The following DIDO1 variants were observed in gnomAD, a reference collection of about 807,000 sequenced individuals.
DIDO1 encodes the protein death inducer-obliterator 1.
In DIDO1, 16 loss-of-function variants were observed where a neutral mutation model predicts 99.4. The ratio of observed to expected loss-of-function variants is 0.16; its 90% CI spans 0.11 to 0.24. DIDO1 has a LOEUF of 0.24. DIDO1 is among the 10% of genes least tolerant of loss of function. The probability of loss-of-function intolerance (pLI) is 1.00; values close to 1 mark genes in which losing one functional copy is unlikely to be tolerated. For synonymous variants in DIDO1, 1,366 were observed against 1,239.1 expected (o/e 1.10, Z -2.15); for missense variants, 2,996 against 3,014.0 (o/e 0.99, Z 0.14).
intron 6 of DIDO1, 139 bp from the exon 7 acceptor site, chr20:62,897,135 T>G: frequency 1.3e-6 from 1 of 782,172 alleles, no homozygotes; most frequent in Non-Finnish European, 2.0e-6. Context: ...AGAAAAGGAT[T>G]TGTAAAATGT....
rs531192679 is a variant in DIDO1 at position 62,880,796 on chromosome 20, C to G, written c.5160G>C (p.Glu1720Asp). Reference protein sequence around the residue: ...GRSSSPAGETEGDREPQARPG... With the variant: ...GRSSSPAGETDGDREPQARPG... ...GTCTGGCCTGTGGCTCTCTGTCCCC[C>G]TCTGTTTCACCTGCAGGGCTGCTGC... Residue 1720 changes from glutamate to aspartate, a missense_variant, in exon 16 of 16, where the codon GAG becomes GAC. Transcript: ENST00000395343. 6.2e-7 allele frequency: 1 copy of G among 1,612,758 alleles called. No individual in the cohort carries two copies. The highest frequency in any genetic ancestry group is 1.1e-5 in the South Asian group (1 of 91,080).
At chr20:62,916,176 G>T (rs1364419889) in intron 1 of DIDO1, among the ~76,000 whole-genome samples, 1 of 152,184 alleles carries the variant, frequency 6.6e-6, no homozygotes, top group Non-Finnish European at 1.5e-5. Flanking sequence ...GGGGGAATGT[G>T]TTCATAAAAC....
chr20:62,900,952 T>C (rs1471577600), intron 6 of DIDO1, among the ~76,000 whole-genome samples: 1 of 152,226 alleles, frequency 6.6e-6, no homozygotes, highest in Non-Finnish European at 1.5e-5. Context: ...GAGGCGTGTG[T>C]ACAACAATGC....
At chr20:62,885,999 C>G (rs928461413) in intron 15 of DIDO1, among the ~76,000 whole-genome samples, 5 of 152,228 alleles carry the variant, frequency 3.3e-5, no homozygotes, top group Non-Finnish European at 7.3e-5. Context: ...TCGGCAGCTG[C>G]CCCGTGGTGT....
Position 62,907,256 on chromosome 20 carries a change from G to A in DIDO1, c.1265C>T (p.Ala422Val). ...GCTTAGAAACTTCATTGTCGCTGCG[G>A]CGTGTTTGAGGATACAGTCATTACT... ...YCSNDCILKHAAATMKFLSSG... is the reference protein window; with the variant it reads ...YCSNDCILKHVAATMKFLSSG... The change falls in exon 5 of 16, where the codon GCC becomes GTC. Residue 422 changes from alanine to valine, a missense_variant. Physicochemically the swap from Ala to Val is moderately conservative, Grantham distance 64. This residue lies in a region of DIDO1 where 898 missense variants were observed against 972.7 expected (regional missense o/e 0.92). Coordinates refer to ENST00000395343, the MANE Select transcript of DIDO1 (RefSeq NM_001193369.2). 3 of 1,614,238 alleles carry A rather than the reference G, an allele frequency of 1.9e-6. No homozygotes were observed. Among genetic ancestry groups the A allele is most frequent in the Non-Finnish European group, 2.5e-6 (3 of 1,180,046 alleles).
intron 1 of DIDO1, among the ~76,000 whole-genome samples, chr20:62,919,909 T>C (rs984496255): frequency 1.3e-5 from 2 of 152,224 alleles, no homozygotes; most frequent in African/African-American, 2.4e-5. Context: ...CATAAAATCA[T>C]TTATCGAGGT....
chr20:62,907,365 G>A lies in DIDO1; in HGVS notation c.1162-6C>T. 1 of 1,612,738 alleles carries A rather than the reference G, an allele frequency of 6.2e-7. No homozygotes were observed. Among genetic ancestry groups the A allele is most frequent in the Non-Finnish European group, 8.5e-7 (1 of 1,179,680 alleles). On this transcript the variant is annotated splice_region_variant and splice_polypyrimidine_tract_variant and intron_variant, in intron 4 of 15. Transcript: ENST00000395343. Reference sequence around the variant, plus strand: ...GCACCAGGCGCCTCTATCACCTGCAGAACAAAACAGATGACTTCAAACAAT... The same window carrying A: ...GCACCAGGCGCCTCTATCACCTGCAAAACAAAACAGATGACTTCAAACAAT...
chr20:62,897,040 G>A (rs761076425), intron 6 of DIDO1, 44 bp from the exon 7 acceptor site: 1 of 1,541,898 alleles, frequency 6.5e-7, no homozygotes, highest in East Asian at 2.3e-5. Flanking sequence ...GGACACCACA[G>A]GGTGCTGTCA....
intron 6 of DIDO1, 180 bp downstream of exon 6, chr20:62,905,707 A>G: frequency 1.2e-6 from 2 of 1,609,988 alleles, no homozygotes; most frequent in Non-Finnish European, 1.7e-6. Flanking sequence ...CAGACTAGGG[A>G]TGGACACAGG....
At position 62,894,634 on chromosome 20, in the gene DIDO1, T is replaced by A; in HGVS notation, c.2437-86A>T. 6.5e-7 allele frequency: 1 copy of A among 1,538,288 alleles called. No homozygotes were observed. Among genetic ancestry groups the A allele is most frequent in the Non-Finnish European group, 8.7e-7 (1 of 1,143,212 alleles). ...ACCACACACAAGAAAAGCAGTCTCA[T>A]GGGATTGAGACCCACGGGGGAGAAA... On this transcript the variant is annotated intron_variant, in intron 10 of 15. Transcript: ENST00000395343. This position sits in a 1 kb window ranked among gnomAD's most constrained non-coding sequence, Gnocchi z 4.4.
At chr20:62,929,702 T>A (rs1198285625), upstream of DIDO1, among the ~76,000 whole-genome samples, 17 of 129,390 alleles carry the variant, frequency 1.3e-4, no homozygotes, top group African/African-American at 5.5e-4. Context: ...AGTGTATATA[T>A]ATATATATAT....
At chr20:62,925,000 T>A (rs551878831) in intron 1 of DIDO1, among the ~76,000 whole-genome samples, 100 of 152,154 alleles carry the variant, frequency 6.6e-4, no homozygotes, top group Non-Finnish European at 1.2e-3. Context: ...GGAAAACAAG[T>A]GTGCATTAAG....
chr20:62,931,160 C>T (rs904495589), upstream of DIDO1, among the ~76,000 whole-genome samples: 1 of 152,042 alleles, frequency 6.6e-6, no homozygotes, highest in African/African-American at 2.4e-5. Flanking sequence ...AGGCTGGTCT[C>T]GAACTCCAGG....
intron 3 of DIDO1, 136 bp from the exon 4 acceptor site, chr20:62,910,156 T>C: frequency 1.0e-6 from 1 of 1,001,100 alleles, no homozygotes; most frequent in East Asian, 2.6e-5. Context: ...AACGTCCTCA[T>C]GCCTTTCCTT....
rs1326316190 is a variant in DIDO1, at chr20:62,879,745, G to A, written c.6211C>T (p.Arg2071Ter). The A allele has an allele frequency of 6.2e-7, 1 of 1,611,568 alleles. No individual in the cohort carries two copies. Among genetic ancestry groups the A allele is most frequent in the Non-Finnish European group, 8.5e-7 (1 of 1,179,816 alleles). ...CTGTATTCGTGGCCTTTCCCCTCTC[G>A]GAAGTCGGCCGATGCCCACTGTCCG... is the stretch of plus-strand genomic sequence containing the variant. ...ADGQWASADFREGKGHEYRNQ... is the reference protein window; with the variant it reads ...ADGQWASADF Residue 2071 changes from arginine to a stop codon, truncating the protein, a stop_gained, in exon 16 of 16, where the codon CGA becomes TGA. Transcript: ENST00000395343. LOFTEE classifies it low-confidence loss of function (END_TRUNC). This position sits in a 1 kb window ranked among gnomAD's most constrained non-coding sequence, Gnocchi z 6.3.
At chr20:62,900,750 G>A (rs2064652681) in intron 6 of DIDO1, among the ~76,000 whole-genome samples, 2 of 152,234 alleles carry the variant, frequency 1.3e-5, no homozygotes, top group African/African-American at 4.8e-5. Flanking sequence ...CTGCTGGCTG[G>A]TTTAGGGAAG....
Position 62,879,217 on chromosome 20 carries a change from T to C in DIDO1, c.*16A>G. On this transcript the variant is annotated 3_prime_UTR_variant, in exon 16 of 16. Transcript: ENST00000395343. The surrounding 1 kb of genome is among the most constrained non-coding windows in gnomAD (Gnocchi z 6.3). ...CGAACGTGGCTTTAAAAAGGGTCTC[T>C]GCCCGGCCGGGGCGTCTAGGCCTGC... The C allele has an allele frequency of 1.4e-6, 2 of 1,476,334 alleles. No individual in the cohort carries two copies. Among genetic ancestry groups the C allele is most frequent in the Non-Finnish European group, 1.8e-6 (2 of 1,119,272 alleles). 91.5% of individuals were successfully genotyped at this position (1,476,334 alleles called of 1,614,324 possible).
intron 1 of DIDO1, among the ~76,000 whole-genome samples, chr20:62,918,592 A>G (rs1488715649): frequency 2.6e-5 from 4 of 152,238 alleles, no homozygotes; most frequent in Non-Finnish European, 5.9e-5. Flanking sequence ...CAAAAAGATA[A>G]AACAAAAATG....
chr20:62,885,718 G>A (rs2064286512), intron 15 of DIDO1, among the ~76,000 whole-genome samples: 1 of 152,238 alleles, frequency 6.6e-6, no homozygotes, highest in Non-Finnish European at 1.5e-5. Context: ...CTGTGAAACA[G>A]TCAAATCTTG....
Sources: gnomAD v4.1 joint callset for allele counts (sites outside exome capture counted in the v4.1 genomes callset) on GRCh38, gnomAD v4.1.1 for gene constraint, gnomAD v4.1.1 regional missense constraint, Gnocchi (gnomAD v3.1) non-coding constraint, MANE v1.5 for transcripts, NCBI Gene and HGNC (gene_info 2026-07-23, HGNC 2026-07-21) for gene names.